Variants in FAM168A observed in about 807,000 individuals in gnomAD.
FAM168A encodes family with sequence similarity 168 member A.
Under a neutral mutation model 28.5 loss-of-function variants are expected in FAM168A, and 3 were observed. The observed-to-expected ratio is 0.11, with a 90% confidence interval of 0.05 to 0.27. FAM168A has a LOEUF of 0.27. FAM168A is among the 10% of genes least tolerant of loss of function. The pLI, the probability that FAM168A is intolerant of heterozygous loss-of-function variation, is 1.00. For synonymous variants in FAM168A, 122 were observed against 124.2 expected (o/e 0.98, Z 0.12); for missense variants, 222 against 311.5 (o/e 0.71, Z 2.16).
At chr11:73,452,254 A>G (rs1286403735) in intron 2 of FAM168A, 2 of 152,274 alleles carry the variant, frequency 1.3e-5, no homozygotes, top group Admixed American at 1.3e-4. Flanking sequence ...CAATGAGTGT[A>G]ATGTGATAGA....
At chr11:73,579,572 G>A (rs1235332153) in intron 1 of FAM168A, among the ~76,000 whole-genome samples, 1 of 152,132 alleles carries the variant, frequency 6.6e-6, no homozygotes, top group Non-Finnish European at 1.5e-5. Context: ...ATAAATAACA[G>A]AATTCCCCCC....
intron 1 of FAM168A, among the ~76,000 whole-genome samples, chr11:73,544,317 T>C (rs909437031): frequency 9.2e-5 from 14 of 152,068 alleles, no homozygotes; most frequent in African/African-American, 3.1e-4. Context: ...AATGGAACCT[T>C]CATACACTGT....
chr11:73,440,781 A>C (rs1025227538), intron 2 of FAM168A, among the ~76,000 whole-genome samples: 1 of 152,232 alleles, frequency 6.6e-6, no homozygotes, highest in African/African-American at 2.4e-5. Context: ...TTAAAACATA[A>C]AGTTCTATAT....
At chr11:73,590,731 A>G (rs566639303) in intron 1 of FAM168A, among the ~76,000 whole-genome samples, 104 of 152,260 alleles carry the variant, frequency 6.8e-4, no homozygotes, top group Non-Finnish European at 1.2e-3. Context: ...CCTTATGCTC[A>G]CCTACAGAAG....
Position 73,403,319 on chromosome 11 carries a change from C to T in FAM168A, c.*3444G>A, listed in dbSNP as rs1222675063. On this transcript the variant is annotated 3_prime_UTR_variant, in exon 8 of 8. Transcript: ENST00000356467. ...AGGCAATCCAGCTCCCAGACTCAAA[C>T]TTCTTGACCCCAGGCCAGTGAGGAG... 1 of 152,184 alleles carries T rather than the reference C, an allele frequency of 6.6e-6. No individual in the cohort carries two copies. The highest frequency in any genetic ancestry group is 2.4e-5 in the African/African-American group (1 of 41,442). The allele number at this position is 152,184 out of a possible 1,614,324, so 9.4% of individuals were successfully genotyped here.
intron 7 of FAM168A, 115 bp downstream of exon 7, chr11:73,407,398 C>T (rs1866525625): frequency 1.7e-6 from 1 of 596,338 alleles, no homozygotes; most frequent in African/African-American, 2.0e-5. Context: ...CAACTGGTAA[C>T]TTGACAGCTG....
chr11:73,505,668 A>G (rs1732340113), intron 1 of FAM168A, among the ~76,000 whole-genome samples: 1 of 152,222 alleles, frequency 6.6e-6, no homozygotes, highest in Non-Finnish European at 1.5e-5. Context: ...GGTGCTACCT[A>G]AGAAAAGACC....
rs555110566 is a variant in FAM168A at position 73,404,463 on chromosome 11, T to C, written c.*2300A>G. On this transcript the variant is annotated 3_prime_UTR_variant, in exon 8 of 8. Coordinates refer to ENST00000356467, the MANE Select transcript of FAM168A (RefSeq NM_015159.3). ...ATTATTATTATCATTATTATTATTT[T>C]GGCATTTTTCAAACACGTATGACAT... The C allele has an allele frequency of 6.6e-6, 1 of 152,368 alleles. No homozygotes were observed. The highest frequency in any genetic ancestry group is 1.5e-5 in the Non-Finnish European group (1 of 68,038). The allele number at this position is 152,368 out of a possible 1,614,324, so 9.4% of individuals were successfully genotyped here.
intron 1 of FAM168A, among the ~76,000 whole-genome samples, chr11:73,548,950 CT>C (rs200794440): frequency 6.6e-6 from 1 of 150,788 alleles, no homozygotes; most frequent in Non-Finnish European, 1.5e-5. Flanking sequence ...AGACATTTCT[CT>C]TTTTTTTTGA....
chr11:73,505,479 T>C (rs1025515855), intron 1 of FAM168A, among the ~76,000 whole-genome samples: 3 of 152,182 alleles, frequency 2.0e-5, no homozygotes, highest in Admixed American at 6.5e-5. Flanking sequence ...CTAGCTATTA[T>C]CATTATCATT....
At chr11:73,550,513 G>C (rs1943812312) in intron 1 of FAM168A, among the ~76,000 whole-genome samples, 1 of 152,092 alleles carries the variant, frequency 6.6e-6, no homozygotes, top group Admixed American at 6.5e-5. Flanking sequence ...AAATTAGCCA[G>C]GTGTGGTGGC....
chr11:73,533,325 T>C (rs1349193247), intron 1 of FAM168A, among the ~76,000 whole-genome samples: 1 of 152,182 alleles, frequency 6.6e-6, no homozygotes, highest in Non-Finnish European at 1.5e-5. Flanking sequence ...AATTACCTTG[T>C]CTTTCTGGAA....
At chr11:73,576,509 C>T (rs924336572) in intron 1 of FAM168A, among the ~76,000 whole-genome samples, 2 of 152,112 alleles carry the variant, frequency 1.3e-5, no homozygotes, top group Non-Finnish European at 2.9e-5. Flanking sequence ...GAGGTGAAAA[C>T]TGAATGAGCG....
intron 1 of FAM168A, among the ~76,000 whole-genome samples, chr11:73,484,602 C>CTA (rs67743358): frequency 0.047 from 4,260 of 91,526 alleles, 221 homozygotes; most frequent in African/African-American, 0.14. Context: ...ATATCGATAT[C>CTA]TATATCGATA....
chr11:73,458,580 C>T (rs1867582301), intron 2 of FAM168A, among the ~76,000 whole-genome samples: 1 of 152,158 alleles, frequency 6.6e-6, no homozygotes, highest in Non-Finnish European at 1.5e-5. Flanking sequence ...CTTTCCTCAT[C>T]TGTAAAATAA....
rs186783351 is a variant in FAM168A at position 73,574,670 on chromosome 11, C to A, written c.-19+23253G>T. On this transcript the variant is annotated intron_variant, in intron 1 of 7. Transcript: ENST00000356467. ...CTCTGCCTTCCAGGTTCAAGTGATT[C>A]TCCTGCCTCAGCCTCCCAAGTAGCT... Among the ~76,000 whole-genome samples, 68 of 150,100 alleles carry A rather than the reference C, an allele frequency of 4.5e-4. 1 individual carries two copies. The highest frequency in any genetic ancestry group is 1.6e-3 in the African/African-American group (66 of 40,792).
chr11:73,439,755 A>G (rs1398081833), intron 2 of FAM168A, among the ~76,000 whole-genome samples: 1 of 152,130 alleles, frequency 6.6e-6, no homozygotes, highest in African/African-American at 2.4e-5. Flanking sequence ...GAGGTACTCA[A>G]CACTTTAGAG....
At chr11:73,584,602 T>C (rs577739834) in intron 1 of FAM168A, among the ~76,000 whole-genome samples, 7 of 151,188 alleles carry the variant, frequency 4.6e-5, no homozygotes, top group Admixed American at 6.6e-5. Flanking sequence ...GCCTCCGGAA[T>C]AGCCGGGACT....
At chr11:73,448,021 ATTAC>A (rs1791747218) in intron 2 of FAM168A, among the ~76,000 whole-genome samples, 1 of 152,154 alleles carries the variant, frequency 6.6e-6, no homozygotes, top group Non-Finnish European at 1.5e-5. Context: ...ATCCAGTATT[ATTAC>A]TTATGTGTCA....
Sources: gnomAD v4.1 joint callset for allele counts (sites outside exome capture counted in the v4.1 genomes callset) on GRCh38, gnomAD v4.1.1 for gene constraint, MANE v1.5 for transcripts, NCBI Gene and HGNC (gene_info 2026-07-23, HGNC 2026-07-21) for gene names.